Variants in GALNTL6 observed in about 807,000 individuals in gnomAD.
GALNTL6 encodes polypeptide N-acetylgalactosaminyltransferase-like 6.
In GALNTL6, 46 loss-of-function variants were observed where a neutral mutation model predicts 73.7. The ratio of observed to expected loss-of-function variants is 0.62; its 90% CI spans 0.49 to 0.80. The LOEUF (loss-of-function observed/expected upper bound fraction) is 0.80, where lower values mean the gene tolerates loss of function less well. Among genes scored for constraint, GALNTL6 ranks in the 30% least tolerant of loss-of-function variants. The probability of loss-of-function intolerance (pLI) is 0.00; values close to 1 mark genes in which losing one functional copy is unlikely to be tolerated. For synonymous variants in GALNTL6, 259 were observed against 263.7 expected (o/e 0.98, Z 0.17); for missense variants, 604 against 755.0 (o/e 0.80, Z 2.34).
At chr4:172,197,915 C>T (rs932990780) in intron 2 of GALNTL6, among the ~76,000 whole-genome samples, 1 of 152,102 alleles carries the variant, frequency 6.6e-6, no homozygotes, top group African/African-American at 2.4e-5. Flanking sequence ...CGAGACCATC[C>T]TGGCTAACAC....
chr4:172,707,652 A>G (rs1350789592), intron 5 of GALNTL6, among the ~76,000 whole-genome samples: 3 of 152,196 alleles, frequency 2.0e-5, no homozygotes, highest in African/African-American at 7.2e-5. Flanking sequence ...CAGACCTGTC[A>G]GGTCTATTGT....
intron 2 of GALNTL6, among the ~76,000 whole-genome samples, chr4:171,915,145 T>C (rs1176363620): frequency 6.6e-6 from 1 of 152,172 alleles, no homozygotes; most frequent in Admixed American, 6.6e-5. Flanking sequence ...AAAATGTATG[T>C]TCATATATCT....
At chr4:172,860,225 T>C (rs1238554285) in intron 7 of GALNTL6, among the ~76,000 whole-genome samples, 3 of 152,162 alleles carry the variant, frequency 2.0e-5, no homozygotes, top group Admixed American at 6.5e-5. Flanking sequence ...TGTAACCAAT[T>C]TGAGGACACA....
At chr4:172,800,532 A>C (rs760395437) in intron 5 of GALNTL6, among the ~76,000 whole-genome samples, 1 of 152,178 alleles carries the variant, frequency 6.6e-6, no homozygotes, top group Non-Finnish European at 1.5e-5. Context: ...TGAACCACCA[A>C]CTTTGTGTAA....
At position 172,717,322 on chromosome 4, in the gene GALNTL6, G is replaced by A. The variant is rs912270825; in HGVS notation, c.554-92039G>A. Among the ~76,000 whole-genome samples the A allele has an allele frequency of 9.8e-5, 15 of 152,330 alleles. No homozygotes were observed. In the East Asian group the frequency reaches 2.5e-3, roughly 25 times the overall value. ...ACATTCTATGTAATCATTGCACCATGAGGAAAGCTATATTTGCTACACTTG... is the reference window on the plus strand; with the variant it reads ...ACATTCTATGTAATCATTGCACCATAAGGAAAGCTATATTTGCTACACTTG... On this transcript the variant is annotated intron_variant, in intron 5 of 12. Coordinates refer to ENST00000506823, the MANE Select transcript of GALNTL6 (RefSeq NM_001034845.3).
intron 5 of GALNTL6, among the ~76,000 whole-genome samples, chr4:172,548,533 T>A (rs1735852395): frequency 6.6e-6 from 1 of 152,196 alleles, no homozygotes; most frequent in South Asian, 2.1e-4. Context: ...ATTAGAGCAA[T>A]CTAAAGTTTA....
intron 3 of GALNTL6, among the ~76,000 whole-genome samples, chr4:172,231,811 A>G (rs1737079503): frequency 1.3e-5 from 2 of 152,090 alleles, no homozygotes; most frequent in South Asian, 4.1e-4. Flanking sequence ...TGTACAAATG[A>G]GTTTTGAATA....
Position 172,281,671 on chromosome 4 carries a change from A to G in GALNTL6, c.248-29943A>G, listed in dbSNP as rs558833165. The stretch of plus-strand genomic sequence containing the variant: ...GGTTGCAGTGAGCCAAGATCGCTCC[A>G]CTGCACTCCAGCCTGGGCGTCAGAG... On this transcript the variant is annotated intron_variant, in intron 3 of 12. Coordinates refer to ENST00000506823, the MANE Select transcript of GALNTL6 (RefSeq NM_001034845.3). 2.6e-5 allele frequency among the ~76,000 whole-genome samples: 4 copies of G among 152,340 alleles called. No homozygotes were observed. The East Asian group carries it at 7.7e-4, about 29-fold the overall frequency.
intron 10 of GALNTL6, among the ~76,000 whole-genome samples, chr4:172,954,051 A>G (rs1254878477): frequency 6.6e-6 from 1 of 152,156 alleles, no homozygotes; most frequent in Non-Finnish European, 1.5e-5. Flanking sequence ...TGTCCTGCCT[A>G]GTGACTAAGA....
At chr4:172,919,523 T>C (rs1747690138) in intron 8 of GALNTL6, among the ~76,000 whole-genome samples, 1 of 152,194 alleles carries the variant, frequency 6.6e-6, no homozygotes, top group Non-Finnish European at 1.5e-5. Flanking sequence ...CATGGCAAGA[T>C]TGACAGCCCA....
At chr4:172,670,876 A>G (rs1021732661) in intron 5 of GALNTL6, among the ~76,000 whole-genome samples, 6 of 152,186 alleles carry the variant, frequency 3.9e-5, no homozygotes, top group Non-Finnish European at 8.8e-5. Context: ...ATGGCTACCC[A>G]GTTATCCCAG....
intron 9 of GALNTL6, among the ~76,000 whole-genome samples, chr4:172,939,217 G>C (rs1005063231): frequency 4.6e-5 from 7 of 152,122 alleles, no homozygotes; most frequent in Non-Finnish European, 7.4e-5. Flanking sequence ...GATTACTTGA[G>C]CCCGGGAAGT....
chr4:172,280,182 A>G (rs1738992881), intron 3 of GALNTL6, among the ~76,000 whole-genome samples: 1 of 152,240 alleles, frequency 6.6e-6, no homozygotes, highest in Admixed American at 6.5e-5. Context: ...CATATTTATC[A>G]CTAATTAGCT....
chr4:172,131,844 C>T (rs1365282537), intron 2 of GALNTL6, among the ~76,000 whole-genome samples: 2 of 151,854 alleles, frequency 1.3e-5, no homozygotes, highest in African/African-American at 2.4e-5. Flanking sequence ...TTTATGTTTA[C>T]TTTAACACTG....
intron 5 of GALNTL6, among the ~76,000 whole-genome samples, chr4:172,781,329 C>T (rs1164274950): frequency 6.6e-6 from 1 of 152,120 alleles, no homozygotes; most frequent in Non-Finnish European, 1.5e-5. Flanking sequence ...TATGAATTTA[C>T]AGCCAGGTAA....
intron 7 of GALNTL6, among the ~76,000 whole-genome samples, chr4:172,844,480 A>G (rs1305773836): frequency 3.3e-5 from 5 of 152,200 alleles, no homozygotes; most frequent in Non-Finnish European, 7.3e-5. Flanking sequence ...TCCAAAGCTC[A>G]TGTGTTTTTC....
intron 2 of GALNTL6, among the ~76,000 whole-genome samples, chr4:171,895,215 T>C (rs1040234104): frequency 6.6e-6 from 1 of 152,206 alleles, no homozygotes; most frequent in Non-Finnish European, 1.5e-5. Flanking sequence ...CAAAGTCTTC[T>C]GTGGTGTCCA....
intron 5 of GALNTL6, among the ~76,000 whole-genome samples, chr4:172,653,468 G>A (rs1383349490): frequency 3.3e-5 from 5 of 152,072 alleles, no homozygotes; most frequent in South Asian, 2.1e-4. Context: ...TGATCTGCCC[G>A]CCTCGGCCTC....
intron 5 of GALNTL6, among the ~76,000 whole-genome samples, chr4:172,470,106 A>G (rs1732991508): frequency 6.6e-6 from 1 of 152,196 alleles, no homozygotes; most frequent in South Asian, 2.1e-4. Context: ...GCACAATGCT[A>G]GGCACAGAAA....
Sources: gnomAD v4.1 joint callset for allele counts (sites outside exome capture counted in the v4.1 genomes callset) on GRCh38, gnomAD v4.1.1 for gene constraint, MANE v1.5 for transcripts, NCBI Gene and HGNC (gene_info 2026-07-23, HGNC 2026-07-21) for gene names.